The following ARHGAP15 variants were observed in gnomAD, a reference collection of about 807,000 sequenced individuals.
The protein encoded by ARHGAP15 is rho GTPase-activating protein 15.
In ARHGAP15, 51 loss-of-function variants were observed where a neutral mutation model predicts 63.7. The ratio of observed to expected loss-of-function variants is 0.80; its 90% CI spans 0.64 to 1.01. The LOEUF (loss-of-function observed/expected upper bound fraction) is 1.01. Ranked by LOEUF, ARHGAP15 falls within the 50% of genes least tolerant of loss-of-function variation. ARHGAP15 has a pLI of 0.00. For missense variants in ARHGAP15, 560 were observed against 564.6 expected (o/e 0.99, Z 0.08); for synonymous variants, 191 against 193.8 (o/e 0.99, Z 0.12).
At chr2:143,320,752 T>C (rs910341830) in intron 6 of ARHGAP15, among the ~76,000 whole-genome samples, 5 of 151,874 alleles carry the variant, frequency 3.3e-5, no homozygotes, top group African/African-American at 4.8e-5. Flanking sequence ...CGTCCCCTGG[T>C]GGGTTAGAGA....
chr2:143,467,926 A>G (rs1362860981), intron 8 of ARHGAP15, among the ~76,000 whole-genome samples: 1 of 152,108 alleles, frequency 6.6e-6, no homozygotes, highest in African/African-American at 2.4e-5. Context: ...TAGTTCATCT[A>G]TCTTTGCCAT....
chr2:143,345,506 CA>C (rs780772059), intron 6 of ARHGAP15, among the ~76,000 whole-genome samples: 16 of 152,068 alleles, frequency 1.1e-4, no homozygotes, highest in African/African-American at 3.4e-4. Flanking sequence ...TAATAACACA[CA>C]TTAAAATGTC....
At chr2:143,663,907 T>C (rs1219854112) in intron 12 of ARHGAP15, among the ~76,000 whole-genome samples, 1 of 152,060 alleles carries the variant, frequency 6.6e-6, no homozygotes, top group Admixed American at 6.5e-5. Context: ...CCCAGATTCA[T>C]AAAGCAAGTC....
chr2:143,130,411 A>G lies in ARHGAP15; in HGVS notation c.-15+945A>G, dbSNP rs576223871. ...GTAGATTTTTGAAAGAATTTTAATA[A>G]CAGCCCAAGATATGATCCATTCTTC... is the stretch of plus-strand genomic sequence containing the variant. On this transcript the variant is annotated intron_variant, in intron 1 of 13. Transcript: ENST00000295095. 2.7e-3 allele frequency among the ~76,000 whole-genome samples: 410 copies of G among 152,224 alleles called. 4 individuals are homozygous for G. Among genetic ancestry groups the G allele is most frequent in the South Asian group, 3.1e-3 (15 of 4,822 alleles).
chr2:143,450,097 T>C (rs1313133381), intron 8 of ARHGAP15, among the ~76,000 whole-genome samples: 2 of 144,784 alleles, frequency 1.4e-5, no homozygotes, highest in Non-Finnish European at 3.0e-5. Flanking sequence ...GGTTTCATAA[T>C]TAATCTTTTT....
chr2:143,148,866 A>G (rs1401262520), intron 1 of ARHGAP15, among the ~76,000 whole-genome samples: 1 of 152,044 alleles, frequency 6.6e-6, no homozygotes, highest in Admixed American at 6.6e-5. Flanking sequence ...AGAAAACAAA[A>G]GGAAAGTGAA....
chr2:143,332,725 T>C (rs1403085308), intron 6 of ARHGAP15, among the ~76,000 whole-genome samples: 1 of 152,182 alleles, frequency 6.6e-6, no homozygotes, highest in Admixed American at 6.6e-5. Context: ...AGAAGAGCTC[T>C]GAGTGGGATG....
chr2:143,565,135 G>T (rs1354070148), intron 11 of ARHGAP15, among the ~76,000 whole-genome samples: 1 of 152,046 alleles, frequency 6.6e-6, no homozygotes, highest in Non-Finnish European at 1.5e-5. Flanking sequence ...AAGGCAGGAG[G>T]TGAATCTATT....
intron 13 of ARHGAP15, among the ~76,000 whole-genome samples, chr2:143,739,602 TTGA>T (rs758329264): frequency 1.3e-4 from 20 of 152,116 alleles, no homozygotes; most frequent in Admixed American, 6.6e-4. Flanking sequence ...TCAGAAAGGG[TTGA>T]TATTTTCTTG....
chr2:143,170,948 A>G (rs1204092591), intron 2 of ARHGAP15, among the ~76,000 whole-genome samples: 3 of 152,148 alleles, frequency 2.0e-5, no homozygotes, highest in Non-Finnish European at 2.9e-5. Flanking sequence ...TAAGCATTTA[A>G]TTTTTTTCAA....
At position 143,624,334 on chromosome 2, in the gene ARHGAP15, A is replaced by C. The variant is rs185824668; in HGVS notation, c.1138+67A>C. On this transcript the variant is annotated intron_variant, in intron 12 of 13. Transcript: ENST00000295095. ...ACATCCTGGAATTATTAAGTAAATA[A>C]TAAGAATGATTATAATAATAATCAT... 2.6e-5 allele frequency: 38 copies of C among 1,484,240 alleles called. No homozygotes were observed. The African/African-American group carries it at 5.2e-4, about 20-fold the overall frequency. The allele number at this position is 1,484,240 out of a possible 1,614,324, so 91.9% of individuals were successfully genotyped here.
chr2:143,323,588 T>C (rs1212203681), intron 6 of ARHGAP15, among the ~76,000 whole-genome samples: 1 of 152,148 alleles, frequency 6.6e-6, no homozygotes, highest in African/African-American at 2.4e-5. Flanking sequence ...TCTGTTTTAT[T>C]ATATTTTCTA....
intron 11 of ARHGAP15, among the ~76,000 whole-genome samples, chr2:143,622,678 C>T (rs145578341): frequency 6.0e-5 from 9 of 151,190 alleles, no homozygotes; most frequent in African/African-American, 2.2e-4. Flanking sequence ...AAGATTAGCC[C>T]GTCTGAAATA....
chr2:143,273,639 A>C (rs1423013401), intron 6 of ARHGAP15, among the ~76,000 whole-genome samples: 1 of 152,164 alleles, frequency 6.6e-6, no homozygotes. Context: ...GTTGCATGAC[A>C]TTTTAAAAAA....
At chr2:143,411,881 G>A (rs1044487503) in intron 6 of ARHGAP15, among the ~76,000 whole-genome samples, 9 of 152,160 alleles carry the variant, frequency 5.9e-5, no homozygotes, top group Non-Finnish European at 1.2e-4. Context: ...CAGTGATATT[G>A]AAGATGAATC....
intron 7 of ARHGAP15, among the ~76,000 whole-genome samples, chr2:143,436,642 G>A (rs1369562439): frequency 1.3e-5 from 2 of 152,080 alleles, no homozygotes; most frequent in Non-Finnish European, 2.9e-5. Flanking sequence ...TCTTAATGAG[G>A]AAAATAAGGA....
At chr2:143,515,748 G>C (rs1486257994) in intron 9 of ARHGAP15, among the ~76,000 whole-genome samples, 1 of 152,148 alleles carries the variant, frequency 6.6e-6, no homozygotes, top group Non-Finnish European at 1.5e-5. Context: ...AAACAAGAAA[G>C]AAGGTGGGAG....
At chr2:143,454,137 A>G (rs1432488679) in intron 8 of ARHGAP15, among the ~76,000 whole-genome samples, 1 of 152,042 alleles carries the variant, frequency 6.6e-6, no homozygotes, top group South Asian at 2.1e-4. Flanking sequence ...ACCGTCATTG[A>G]GAGGCCCTGA....
intron 6 of ARHGAP15, among the ~76,000 whole-genome samples, chr2:143,364,790 G>T (rs1272778827): frequency 6.6e-6 from 1 of 152,182 alleles, no homozygotes; most frequent in East Asian, 1.9e-4. Context: ...CACTTTGGGA[G>T]GCCAAGGCAG....
Sources: allele counts gnomAD v4.1 joint callset (sites outside exome capture counted in the v4.1 genomes callset), GRCh38; gene constraint gnomAD v4.1.1; transcripts MANE v1.5; gene names NCBI Gene and HGNC (gene_info 2026-07-23, HGNC 2026-07-21).